The following EYA4 variants were observed in gnomAD, a reference collection of about 807,000 sequenced individuals.
EYA4 encodes the protein EYA transcriptional coactivator and phosphatase 4.
EYA4 carries 31 observed loss-of-function variants against 87.9 expected under a neutral mutation model. That is an observed-to-expected ratio of 0.35 (90% CI 0.27 to 0.48). The LOEUF (loss-of-function observed/expected upper bound fraction) is 0.48. EYA4 is among the 20% of genes least tolerant of loss of function. EYA4 has a pLI of 0.99. For missense variants in EYA4, 678 were observed against 761.4 expected (o/e 0.89, Z 1.29); for synonymous variants, 263 against 270.6 (o/e 0.97, Z 0.28).
At chr6:133,252,993 A>C (rs12194636) in intron 1 of EYA4, among the ~76,000 whole-genome samples, 1 of 141,594 alleles carries the variant, frequency 7.1e-6, no homozygotes. Flanking sequence ...ACACACACTC[A>C]CTCTCTCTCT....
At chr6:133,406,535 G>A (rs1256007056) in intron 3 of EYA4, among the ~76,000 whole-genome samples, 9 of 152,198 alleles carry the variant, frequency 5.9e-5, no homozygotes, top group Admixed American at 5.9e-4. Context: ...CTTTGAATGA[G>A]TATATATTTT....
Position 133,344,880 on chromosome 6 carries a change from A to G in EYA4, c.34-37512A>G, listed in dbSNP as rs576936996. On this transcript the variant is annotated intron_variant, in intron 2 of 19. Coordinates refer to ENST00000355286, the MANE Select transcript of EYA4 (RefSeq NM_004100.5). ...TGTGTTTATATAATAATTACTCCAT[A>G]TATCAATATCATCAGAACTGAGAAA... Among the ~76,000 whole-genome samples, 9 of 152,248 alleles carry G rather than the reference A, an allele frequency of 5.9e-5. 1 individual carries two copies. The East Asian group carries it at 1.7e-3, about 29-fold the overall frequency.
intron 1 of EYA4, among the ~76,000 whole-genome samples, chr6:133,252,945 AC>A (rs1212576015): frequency 5.8e-4 from 1 of 1,726 alleles, no homozygotes; most frequent in Admixed American, 0.01. Context: ...ACTTGAAAAC[AC>A]ACACACACAC....
intron 3 of EYA4, among the ~76,000 whole-genome samples, chr6:133,429,682 A>G (rs1454980279): frequency 6.6e-6 from 1 of 152,184 alleles, no homozygotes; most frequent in Non-Finnish European, 1.5e-5. Context: ...AAATGTTTCA[A>G]AGTTAGTCAG....
intron 3 of EYA4, among the ~76,000 whole-genome samples, chr6:133,403,172 A>C (rs1788409666): frequency 6.6e-6 from 1 of 152,208 alleles, no homozygotes; most frequent in Non-Finnish European, 1.5e-5. Context: ...ATAGCCAAAA[A>C]AAAATTAAAA....
At chr6:133,314,054 G>C (rs1780442251) in intron 2 of EYA4, among the ~76,000 whole-genome samples, 1 of 152,142 alleles carries the variant, frequency 6.6e-6, no homozygotes, top group Non-Finnish European at 1.5e-5. Context: ...GTTGTAGAAA[G>C]CTTGTATGTT....
intron 3 of EYA4, among the ~76,000 whole-genome samples, chr6:133,414,381 G>A (rs1364209495): frequency 2.0e-5 from 3 of 152,156 alleles, no homozygotes; most frequent in East Asian, 3.9e-4. Flanking sequence ...TCCCTCGTAT[G>A]TATTCCCCAA....
At chr6:133,399,027 T>A (rs891833351) in intron 3 of EYA4, among the ~76,000 whole-genome samples, 1 of 152,192 alleles carries the variant, frequency 6.6e-6, no homozygotes, top group African/African-American at 2.4e-5. Context: ...AATATATGCC[T>A]TCCCATGTCT....
intron 11 of EYA4, among the ~76,000 whole-genome samples, chr6:133,479,833 T>TATC (rs1412186257): frequency 6.6e-6 from 1 of 152,216 alleles, no homozygotes; most frequent in African/African-American, 2.4e-5. Flanking sequence ...TGTTATACTG[T>TATC]ATCTCACAGT....
At chr6:133,409,922 CAT>C (rs1277191489) in intron 3 of EYA4, among the ~76,000 whole-genome samples, 2 of 152,032 alleles carry the variant, frequency 1.3e-5, no homozygotes, top group Non-Finnish European at 2.9e-5. Context: ...TGTATGAAAA[CAT>C]ATGTTGTACA....
chr6:133,393,350 G>A (rs1410247329), intron 3 of EYA4, among the ~76,000 whole-genome samples: 5 of 152,112 alleles, frequency 3.3e-5, no homozygotes, highest in Admixed American at 6.5e-5. Flanking sequence ...CTTGAGATAC[G>A]TCAGTAAACA....
chr6:133,261,827 CAA>C (rs1775819727), intron 1 of EYA4, among the ~76,000 whole-genome samples: 1 of 152,150 alleles, frequency 6.6e-6, no homozygotes, highest in African/African-American at 2.4e-5. Context: ...CACTAGCAAG[CAA>C]AGTGGTCTGT....
intron 2 of EYA4, among the ~76,000 whole-genome samples, chr6:133,357,747 G>C (rs1185372165): frequency 6.6e-6 from 1 of 152,096 alleles, no homozygotes; most frequent in African/African-American, 2.4e-5. Flanking sequence ...CTGGTGTTGT[G>C]TTTGTTCTGT....
chr6:133,427,495 A>G (rs142819195), intron 3 of EYA4, among the ~76,000 whole-genome samples: 4 of 152,332 alleles, frequency 2.6e-5, no homozygotes, highest in African/African-American at 9.6e-5. Context: ...GATCCAGATT[A>G]ATGTGATGAT....
intron 11 of EYA4, among the ~76,000 whole-genome samples, chr6:133,472,908 G>A (rs1263059011): frequency 6.6e-6 from 1 of 150,608 alleles, no homozygotes; most frequent in African/African-American, 2.4e-5. Context: ...CAGAGACTAG[G>A]ATTGCAACCC....
intron 3 of EYA4, among the ~76,000 whole-genome samples, chr6:133,382,822 C>A (rs896904226): frequency 1.4e-5 from 2 of 143,888 alleles, no homozygotes; most frequent in East Asian, 2.1e-4. Context: ...TATGATATTT[C>A]TTTTTCTTTG....
chr6:133,273,097 G>GTATATATATATATATATAAA (rs1554213947), intron 1 of EYA4, among the ~76,000 whole-genome samples: 1 of 106,638 alleles, frequency 9.4e-6, no homozygotes, highest in Non-Finnish European at 2.0e-5. Flanking sequence ...ATATATATAT[G>GTATATATATATATATATAAA]TATATATATA....
At chr6:133,330,196 G>A (rs994935553) in intron 2 of EYA4, among the ~76,000 whole-genome samples, 8 of 151,998 alleles carry the variant, frequency 5.3e-5, no homozygotes, top group African/African-American at 1.2e-4. Context: ...AGTCAAGAGC[G>A]TCTCCTTATA....
At chr6:133,527,699 G>A (rs1800747114) in intron 19 of EYA4, among the ~76,000 whole-genome samples, 1 of 152,140 alleles carries the variant, frequency 6.6e-6, no homozygotes, top group Admixed American at 6.6e-5. Context: ...CTACCATAGT[G>A]TGCAGCAAGG....
Sources: gnomAD v4.1 joint callset for allele counts (sites outside exome capture counted in the v4.1 genomes callset) on GRCh38, gnomAD v4.1.1 for gene constraint, MANE v1.5 for transcripts, NCBI Gene and HGNC (gene_info 2026-07-23, HGNC 2026-07-21) for gene names.